The following PTPRG variants were observed in gnomAD, a reference collection of about 807,000 sequenced individuals.
PTPRG encodes the protein receptor-type tyrosine-protein phosphatase gamma.
Under a neutral mutation model 165.3 loss-of-function variants are expected in PTPRG, and 102 were observed. The observed-to-expected ratio is 0.62, with a 90% confidence interval of 0.53 to 0.73. The LOEUF (loss-of-function observed/expected upper bound fraction) is 0.73, where lower values mean the gene tolerates loss of function less well. Among genes scored for constraint, PTPRG ranks in the 30% least tolerant of loss-of-function variants. PTPRG has a pLI of 0.00. For missense variants in PTPRG, 1,866 were observed against 1,861.4 expected, an observed-to-expected ratio of 1.00 and a Z score of -0.05; for synonymous variants, 675 against 669.5, an observed-to-expected ratio of 1.01 and a Z score of -0.13.
chr3:61,884,674 C>G (rs1030065631), intron 2 of PTPRG, among the ~76,000 whole-genome samples: 2 of 152,142 alleles, frequency 1.3e-5, no homozygotes, highest in Admixed American at 1.3e-4. Flanking sequence ...AGAATGTCCA[C>G]ATAATTGGAA....
intron 1 of PTPRG, among the ~76,000 whole-genome samples, chr3:61,688,214 T>C (rs1703702909): frequency 6.6e-6 from 1 of 152,168 alleles, no homozygotes; most frequent in South Asian, 2.1e-4. Flanking sequence ...GCCAGATTTA[T>C]ATTATTTACA....
intron 1 of PTPRG, among the ~76,000 whole-genome samples, chr3:61,673,591 G>C (rs1703110110): frequency 6.6e-6 from 1 of 152,178 alleles, no homozygotes; most frequent in Non-Finnish European, 1.5e-5. Context: ...GTTTGTACTA[G>C]TTTATTATTA....
chr3:61,981,459 T>G (rs868158221), intron 2 of PTPRG, among the ~76,000 whole-genome samples: 7 of 152,224 alleles, frequency 4.6e-5, no homozygotes, highest in Middle Eastern at 3.2e-3. Flanking sequence ...CAAGTGCTGT[T>G]TCTGAAGCTG....
At chr3:62,017,392 G>A (rs1301595978) in intron 4 of PTPRG, among the ~76,000 whole-genome samples, 3 of 151,398 alleles carry the variant, frequency 2.0e-5, no homozygotes, top group Admixed American at 6.6e-5. Context: ...GTGAGGCTAA[G>A]CGTTAATCGT....
At chr3:62,053,482 G>C (rs185622248) in intron 4 of PTPRG, among the ~76,000 whole-genome samples, 1 of 152,182 alleles carries the variant, frequency 6.6e-6, no homozygotes, top group Non-Finnish European at 1.5e-5. Context: ...GGCCAGGCTG[G>C]TCTTCATCTC....
chr3:61,757,822 CTCT>C (rs1355102640), intron 2 of PTPRG, among the ~76,000 whole-genome samples: 2 of 152,104 alleles, frequency 1.3e-5, no homozygotes, highest in African/African-American at 4.8e-5. Flanking sequence ...GGACAATGTT[CTCT>C]TCTTTGAAAC....
At chr3:62,088,020 C>T (rs1414713463) in intron 5 of PTPRG, among the ~76,000 whole-genome samples, 1 of 152,070 alleles carries the variant, frequency 6.6e-6, no homozygotes, top group Non-Finnish European at 1.5e-5. Flanking sequence ...GTTATGTAAG[C>T]ATAGTGTGAG....
At chr3:61,904,697 C>T (rs904815279) in intron 2 of PTPRG, among the ~76,000 whole-genome samples, 9 of 152,114 alleles carry the variant, frequency 5.9e-5, no homozygotes, top group African/African-American at 9.7e-5. Context: ...AAAATGCTGT[C>T]CCCTAGGTGG....
At chr3:62,205,101 T>G (rs2106845066) in intron 12 of PTPRG, among the ~76,000 whole-genome samples, 1 of 152,096 alleles carries the variant, frequency 6.6e-6, no homozygotes, top group South Asian at 2.1e-4. Flanking sequence ...AAGATACAAC[T>G]TAGAATAAAT....
chr3:61,927,970 AG>A (rs913195765), intron 2 of PTPRG, among the ~76,000 whole-genome samples: 15 of 152,228 alleles, frequency 9.9e-5, no homozygotes, highest in African/African-American at 3.6e-4. Flanking sequence ...GTGGTCAGAA[AG>A]CCATCTGTAA....
chr3:61,892,462 A>G (rs1252014737), intron 2 of PTPRG, among the ~76,000 whole-genome samples: 1 of 152,118 alleles, frequency 6.6e-6, no homozygotes, highest in Non-Finnish European at 1.5e-5. Context: ...TGATCCTCTC[A>G]CTTCAGCCTC....
chr3:61,650,217 T>C (rs944720499), intron 1 of PTPRG, among the ~76,000 whole-genome samples: 5 of 152,140 alleles, frequency 3.3e-5, no homozygotes, highest in African/African-American at 1.2e-4. Flanking sequence ...TTTTAATACA[T>C]AAGGGTTACA....
chr3:62,186,700 G>C (rs7613241), intron 8 of PTPRG, among the ~76,000 whole-genome samples: 24,934 of 151,590 alleles, frequency 0.16, 2,643 homozygotes, highest in African/African-American at 0.29. Context: ...TGAGTAGCTG[G>C]GACTATAGGT....
At chr3:61,842,362 A>G (rs979291596) in intron 2 of PTPRG, among the ~76,000 whole-genome samples, 2 of 152,206 alleles carry the variant, frequency 1.3e-5, no homozygotes, top group African/African-American at 4.8e-5. Context: ...CTCTCTCGCC[A>G]GTCTGGTGAG....
intron 4 of PTPRG, among the ~76,000 whole-genome samples, chr3:62,074,670 C>T (rs1701325955): frequency 6.6e-6 from 1 of 152,126 alleles, no homozygotes; most frequent in Admixed American, 6.6e-5. Flanking sequence ...CTTACGTACA[C>T]CACGTTTCTT....
intron 1 of PTPRG, among the ~76,000 whole-genome samples, chr3:61,638,080 T>C (rs992722646): frequency 6.6e-6 from 1 of 152,230 alleles, no homozygotes; most frequent in Non-Finnish European, 1.5e-5. Context: ...GTCCTTAGAC[T>C]TGTTAACTCT....
intron 1 of PTPRG, among the ~76,000 whole-genome samples, chr3:61,605,172 A>C (rs1418737330): frequency 6.6e-6 from 1 of 152,216 alleles, no homozygotes. Flanking sequence ...TTAGTTAAGT[A>C]CTGAGAGAAC....
At chr3:62,100,658 T>C (rs1189339666) in intron 5 of PTPRG, among the ~76,000 whole-genome samples, 1 of 152,256 alleles carries the variant, frequency 6.6e-6, no homozygotes, top group African/African-American at 2.4e-5. Flanking sequence ...TCTGGATCTC[T>C]CAGTTCCCAT....
chr3:61,797,556 C>G (rs2035086113), intron 2 of PTPRG, among the ~76,000 whole-genome samples: 1 of 151,492 alleles, frequency 6.6e-6, no homozygotes, highest in South Asian at 2.1e-4. Context: ...GGTGTTGTCA[C>G]TAGCCTGGAG....
Sources: allele counts gnomAD v4.1 joint callset (sites outside exome capture counted in the v4.1 genomes callset), GRCh38; gene constraint gnomAD v4.1.1; transcripts MANE v1.5; gene names NCBI Gene and HGNC (gene_info 2026-07-23, HGNC 2026-07-21).